CCDC192: variants seen among roughly 807,000 people sequenced by gnomAD.
CCDC192 encodes coiled-coil domain-containing protein 192.
At chr5:127,734,497 G>A (rs1459804904) in intron 2 of CCDC192, among the ~76,000 whole-genome samples, 68 of 148,128 alleles carry the variant, frequency 4.6e-4, no homozygotes, top group African/African-American at 8.0e-4. Context: ...CTGAGGAATC[G>A]CCACACTGAC....
In CCDC192 at chr5:127,708,527, A is replaced by G. The variant is rs568000073; in HGVS notation, c.114+767A>G. Among the ~76,000 whole-genome samples, 90 of 152,234 alleles carry G rather than the reference A, an allele frequency of 5.9e-4. 1 individual carries two copies. The highest frequency in any genetic ancestry group is 1.0e-3 in the Non-Finnish European group (69 of 68,042). ...ACTCCACCAGAGATATTTCTGGAAC[A>G]ATCTTTTCAGCTCTAATATAGAGGC... On this transcript the variant is annotated intron_variant, in intron 2 of 6. Coordinates refer to ENST00000514853, the MANE Select transcript of CCDC192 (RefSeq NM_001317938.2).
intron 3 of CCDC192, chr5:127,784,714 T>G: frequency 1.7e-6 from 1 of 590,380 alleles, no homozygotes; most frequent in Non-Finnish European, 3.2e-6. Context: ...GGACCCGGGA[T>G]TTGAACCTGG....
intron 5 of CCDC192, among the ~76,000 whole-genome samples, chr5:127,858,074 T>C (rs1040406169): frequency 6.6e-6 from 1 of 152,178 alleles, no homozygotes; most frequent in Non-Finnish European, 1.5e-5. Flanking sequence ...AAGGCTGTTG[T>C]TCGTGTAAAT....
chr5:127,931,736 ATAT>A (rs947941009), intron 6 of CCDC192, among the ~76,000 whole-genome samples: 1 of 152,144 alleles, frequency 6.6e-6, no homozygotes, highest in Non-Finnish European at 1.5e-5. Flanking sequence ...TGGATTCTCC[ATAT>A]TAACAGAGAT....
intron 3 of CCDC192, among the ~76,000 whole-genome samples, chr5:127,790,267 A>G (rs1756790525): frequency 6.6e-6 from 1 of 152,192 alleles, no homozygotes; most frequent in Non-Finnish European, 1.5e-5. Context: ...TGGAATGGAA[A>G]TATCTATCTT....
At chr5:127,741,999 A>G (rs1478425559) in intron 2 of CCDC192, among the ~76,000 whole-genome samples, 2 of 152,196 alleles carry the variant, frequency 1.3e-5, no homozygotes, top group African/African-American at 2.4e-5. Context: ...TCATTTTTAC[A>G]TAAACCTAAT....
intron 6 of CCDC192, among the ~76,000 whole-genome samples, chr5:127,932,225 A>G (rs1234193609): frequency 1.3e-5 from 2 of 151,546 alleles, no homozygotes; most frequent in African/African-American, 4.8e-5. Context: ...GTTTTTTGAG[A>G]CAAAGTTTCA....
At chr5:127,914,702 A>G (rs979810458) in intron 6 of CCDC192, among the ~76,000 whole-genome samples, 4 of 152,204 alleles carry the variant, frequency 2.6e-5, no homozygotes, top group African/African-American at 9.7e-5. Flanking sequence ...GTCAATAATA[A>G]CAGTAGTTAA....
intron 3 of CCDC192, among the ~76,000 whole-genome samples, chr5:127,796,281 C>A (rs750123972): frequency 6.6e-6 from 1 of 152,140 alleles, no homozygotes; most frequent in African/African-American, 2.4e-5. Context: ...GACAACTTGC[C>A]TTGCAATAAC....
chr5:127,736,908 G>T (rs1222252615), intron 2 of CCDC192, among the ~76,000 whole-genome samples: 1 of 148,708 alleles, frequency 6.7e-6, no homozygotes, highest in Non-Finnish European at 1.5e-5. Flanking sequence ...TTTTTGAAGG[G>T]TTTTTTGTGT....
chr5:127,719,832 G>C (rs75346965), intron 2 of CCDC192, among the ~76,000 whole-genome samples: 18 of 112,216 alleles, frequency 1.6e-4, no homozygotes, highest in South Asian at 2.9e-4. Context: ...CAGAGGAAGG[G>C]GCGGGGGAGG....
chr5:127,758,697 A>G (rs1460464499), intron 3 of CCDC192, among the ~76,000 whole-genome samples: 1 of 152,178 alleles, frequency 6.6e-6, no homozygotes, highest in Non-Finnish European at 1.5e-5. Context: ...GATAAAAAAA[A>G]GGGTGAATAA....
intron 6 of CCDC192, among the ~76,000 whole-genome samples, chr5:127,880,977 C>T (rs1248691905): frequency 6.6e-6 from 1 of 151,906 alleles, no homozygotes; most frequent in Non-Finnish European, 1.5e-5. Context: ...GAGATTCGAG[C>T]TCAAAAAATA....
intron 5 of CCDC192, among the ~76,000 whole-genome samples, chr5:127,830,636 T>A (rs1287000104): frequency 6.6e-6 from 1 of 152,102 alleles, no homozygotes; most frequent in Non-Finnish European, 1.5e-5. Context: ...ATGGTTACAT[T>A]CTGAGGTACA....
At chr5:127,930,862 C>T (rs1414249489) in intron 6 of CCDC192, among the ~76,000 whole-genome samples, 1 of 152,236 alleles carries the variant, frequency 6.6e-6, no homozygotes, top group African/African-American at 2.4e-5. Context: ...GGCCTACCCC[C>T]ACCTTCCACA....
chr5:127,875,617 A>G lies in CCDC192; in HGVS notation c.491A>G (p.Asn164Ser), dbSNP rs781718072. 18 of 398,640 alleles carry G rather than the reference A, an allele frequency of 4.5e-5. No homozygotes were observed. The South Asian group carries it at 1.0e-3, about 23-fold the overall frequency. The allele number at this position is 398,640 out of a possible 1,614,324, so 24.7% of individuals were successfully genotyped here. ...TANAITVLEL[N>S]EKIKTLYEGK... ...AATGCCATCACAGTTCTGGAACTCA[A>G]TGAGAAGATAAAGACTCTATATGAA... The change falls in exon 6 of 7, where the codon AAT (asparagine) becomes AGT (serine). Residue 164 changes from asparagine (N) to serine (S), a missense_variant. Transcript: ENST00000514853.
intron 5 of CCDC192, among the ~76,000 whole-genome samples, chr5:127,847,319 C>T (rs1169058825): frequency 6.6e-6 from 1 of 152,200 alleles, no homozygotes; most frequent in East Asian, 1.9e-4. Context: ...ATTAACTCAT[C>T]TTCCAAGAAG....
At chr5:127,814,382 A>T (rs892502133) in intron 5 of CCDC192, among the ~76,000 whole-genome samples, 1 of 152,200 alleles carries the variant, frequency 6.6e-6, no homozygotes, top group Non-Finnish European at 1.5e-5. Flanking sequence ...TCTTTCCCGC[A>T]TAAAACACAC....
At chr5:127,930,194 ACTT>A (rs1318488364) in intron 6 of CCDC192, among the ~76,000 whole-genome samples, 3 of 150,266 alleles carry the variant, frequency 2.0e-5, no homozygotes, top group Non-Finnish European at 4.4e-5. Context: ...ATAGAGTGAG[ACTT>A]CTTCTCAAAT....
Sources: gnomAD v4.1 joint callset for allele counts (sites outside exome capture counted in the v4.1 genomes callset) on GRCh38, gnomAD v4.1.1 for gene constraint, MANE v1.5 for transcripts, NCBI Gene and HGNC (gene_info 2026-07-23, HGNC 2026-07-21) for gene names.